The following ARRB2 variants were observed in gnomAD, a reference collection of about 807,000 sequenced individuals.
ARRB2 encodes arrestin beta 2, also known as beta-arrestin-2.
In ARRB2, 21 loss-of-function variants were observed where a neutral mutation model predicts 53.4. The ratio of observed to expected loss-of-function variants is 0.39; its 90% CI spans 0.28 to 0.57. The LOEUF is 0.57. ARRB2 is among the 20% of genes least tolerant of loss of function. The probability of loss-of-function intolerance (pLI) is 0.55; values close to 1 mark genes in which losing one functional copy is unlikely to be tolerated. For synonymous variants in ARRB2, 180 were observed against 212.9 expected, an observed-to-expected ratio of 0.85 and a Z score of 1.34; for missense variants, 369 against 527.5, an observed-to-expected ratio of 0.70 and a Z score of 2.94.
chr17:4,715,009 T>G lies in ARRB2; in HGVS notation c.24-4T>G. 6.2e-7 allele frequency: 1 copy of G among 1,601,326 alleles called. No homozygotes were observed. Among genetic ancestry groups the G allele is most frequent in the Non-Finnish European group, 8.5e-7 (1 of 1,173,656 alleles). On this transcript the variant is annotated splice_polypyrimidine_tract_variant and splice_region_variant and intron_variant, in intron 1 of 14. Transcript: ENST00000269260. ...CAGTGGGGTTTCCCTTTCTGTTTTG[T>G]TAGGGTCTTCAAGAAGTCGAGCCCT... is the stretch of plus-strand genomic sequence containing the variant.
Position 4,720,422 on chromosome 17 carries a change from T to C in ARRB2, c.1031T>C (p.Leu344Pro), listed in dbSNP as rs1213298534. Residue 344 changes from leucine to proline, a missense_variant, in exon 13 of 15, where the codon CTT (leucine) becomes CCT (proline). Transcript: ENST00000269260. ...GTCTCTGTGGAGCTGCCTTTTGTTC[T>C]TATGCACCCCAAGCCCCACGACCAC... ...GDVSVELPFV[L>P]MHPKPHDHIP... 1 of 1,613,736 alleles carries C rather than the reference T, an allele frequency of 6.2e-7. No homozygotes were observed. The highest frequency in any genetic ancestry group is 8.5e-7 in the Non-Finnish European group (1 of 1,179,880).
At chr17:4,720,665 A>T in intron 14 of ARRB2, 25 bp downstream of exon 14, 1 of 1,521,802 alleles carries the variant, frequency 6.6e-7, no homozygotes. Context: ...CCCCTACTTG[A>T]CCCTCTTGGG....
At chr17:4,719,065 C>T (rs567731028) in intron 10 of ARRB2, among the ~76,000 whole-genome samples, 10 of 152,206 alleles carry the variant, frequency 6.6e-5, no homozygotes, top group Non-Finnish European at 1.3e-4. Flanking sequence ...TGAGCCGCCG[C>T]GACCGGCCAC....
Position 4,718,094 on chromosome 17 carries a change from T to A in ARRB2, c.621+71T>A. On this transcript the variant is annotated intron_variant, in intron 8 of 14. Transcript: ENST00000269260. ...CCTGGGGGAGGGGCGAAGCCACACA[T>A]CAAGAGGACATTTGTAAAGGAGGTT... The A allele has an allele frequency of 1.2e-5, 19 of 1,598,842 alleles. No homozygotes were observed. In the South Asian group the frequency reaches 2.1e-4, roughly 18 times the overall value.
chr17:4,716,688 G>A (rs1915093806), intron 5 of ARRB2, 80 bp downstream of exon 5: 1 of 1,504,580 alleles, frequency 6.6e-7, no homozygotes, highest in South Asian at 1.3e-5. Flanking sequence ...CACTGCTGTG[G>A]GCAGATCTGG....
chr17:4,715,334 A>G (rs904954230), intron 2 of ARRB2: 1 of 443,630 alleles, frequency 2.3e-6, no homozygotes, highest in Non-Finnish European at 4.0e-6. Flanking sequence ...GAGCCAACCC[A>G]AGGTGCGTGG....
chr17:4,720,578 C>A lies in ARRB2; in HGVS notation c.1082-8C>A. The A allele has an allele frequency of 6.4e-7, 1 of 1,567,588 alleles. No individual in the cohort carries two copies. The highest frequency in any genetic ancestry group is 8.7e-7 in the Non-Finnish European group (1 of 1,154,986). The stretch of plus-strand genomic sequence containing the variant: ...CCACCCCCACACCCCCTCTTCCCGT[C>A]CCCCCAGCCGCTCCGGAGACAGATG... On this transcript the variant is annotated splice_region_variant and splice_polypyrimidine_tract_variant and intron_variant, in intron 13 of 14. Transcript: ENST00000269260.
rs571600081 is a variant in ARRB2, at chr17:4,715,072, A to ACCCT, written c.54+34_54+37dup. On this transcript the variant is annotated intron_variant, in intron 2 of 14. Transcript: ENST00000269260. ...AGTCTCCACAGCACTTACCCTTTTG[A>ACCCT]CCCTCCCTGGGCCCCAACAAAGCCC... 6.3e-4 allele frequency: 1,011 copies of ACCCT among 1,599,668 alleles called. 9 individuals carry two copies. The East Asian group carries it at 0.019, about 30-fold the overall frequency.
intron 1 of ARRB2, among the ~76,000 whole-genome samples, chr17:4,711,051 G>A (rs1914344966): frequency 1.3e-5 from 2 of 152,150 alleles, no homozygotes; most frequent in South Asian, 4.2e-4. Context: ...GAGGAAGGAG[G>A]AGCAGGTGGC....
intron 8 of ARRB2, 99 bp from the exon 9 acceptor site, chr17:4,718,162 G>C: frequency 6.5e-7 from 1 of 1,545,864 alleles, no homozygotes; most frequent in Non-Finnish European, 8.8e-7. Context: ...TTGGGTTTGA[G>C]GGGAGGGGGC....
chr17:4,720,720 T>C (rs1915619323), intron 14 of ARRB2, 80 bp downstream of exon 14: 3 of 1,311,618 alleles, frequency 2.3e-6, no homozygotes, highest in African/African-American at 3.0e-5. Flanking sequence ...TACCTCTTCC[T>C]TGCTTTTGGT....
Position 4,719,439 on chromosome 17 carries a change from C to T in ARRB2, c.917+19C>T, listed in dbSNP as rs894214491. On this transcript the variant is annotated intron_variant, in intron 11 of 14. Coordinates refer to ENST00000269260, the MANE Select transcript of ARRB2 (RefSeq NM_004313.4). ...GCACCATGTGAGGGTGGGGCTGGGG[C>T]GGGTCCCCTGCAGGCCAGGGGCCAG... 1.2e-6 allele frequency: 2 copies of T among 1,611,066 alleles called. No individual in the cohort carries two copies. The highest frequency in any genetic ancestry group is 1.3e-5 in the African/African-American group (1 of 74,994).
chr17:4,721,125 C>G lies in ARRB2; in HGVS notation c.*86C>G. ...CCCCACTGTCAATGGGGGATTGTCC[C>G]AGCCCCTCTTCCCTTCCCCTCACCT... On this transcript the variant is annotated 3_prime_UTR_variant, in exon 15 of 15. Coordinates refer to ENST00000269260, the MANE Select transcript of ARRB2 (RefSeq NM_004313.4). This position sits in a 1 kb window ranked among gnomAD's most constrained non-coding sequence, Gnocchi z 4.2. The G allele has an allele frequency of 1.5e-6, 2 of 1,373,060 alleles. No homozygotes were observed. Among genetic ancestry groups the G allele is most frequent in the South Asian group, 2.4e-5 (2 of 82,386 alleles). 85.1% of individuals were successfully genotyped at this position (1,373,060 alleles called of 1,614,324 possible).
Position 4,717,156 on chromosome 17 carries a change from T to G in ARRB2, c.358-61T>G. On this transcript the variant is annotated intron_variant, in intron 5 of 14. Coordinates refer to ENST00000269260, the MANE Select transcript of ARRB2 (RefSeq NM_004313.4). The surrounding 1 kb of genome is among the most constrained non-coding windows in gnomAD (Gnocchi z 6.0). ...GCGTCTCCAGCCTCTTAGGTTGAGATTTGGAGGAAGATCTGGGGGCTTTCT... is the reference window on the plus strand; with the variant it reads ...GCGTCTCCAGCCTCTTAGGTTGAGAGTTGGAGGAAGATCTGGGGGCTTTCT... The G allele has an allele frequency of 6.4e-7, 1 of 1,559,960 alleles. No homozygotes were observed. Among genetic ancestry groups the G allele is most frequent in the Non-Finnish European group, 8.8e-7 (1 of 1,131,298 alleles).
At chr17:4,716,773 C>G in intron 5 of ARRB2, 165 bp downstream of exon 5, 1 of 1,321,290 alleles carries the variant, frequency 7.6e-7, no homozygotes, top group East Asian at 2.5e-5. Context: ...CCTTGATTAT[C>G]TGCCTCCTCT....
intron 2 of ARRB2, chr17:4,715,663 G>C: frequency 2.4e-6 from 1 of 418,382 alleles, no homozygotes; most frequent in South Asian, 2.4e-5. Flanking sequence ...GCACATACAT[G>C]TTCACACACA....
At chr17:4,714,028 A>G (rs1409502474) in intron 1 of ARRB2, among the ~76,000 whole-genome samples, 2 of 152,250 alleles carry the variant, frequency 1.3e-5, no homozygotes, top group Admixed American at 6.5e-5. Context: ...GGCATGGAGT[A>G]GTCACTCTGA....
At chr17:4,716,070 G>A (rs536783097) in intron 3 of ARRB2, 37 bp downstream of exon 3, 1 of 1,614,020 alleles carries the variant, frequency 6.2e-7, no homozygotes, top group African/African-American at 1.3e-5. Flanking sequence ...CGTTCCCCAA[G>A]AGGGGAAGAA....
chr17:4,714,947 G>T (rs1433974517), intron 1 of ARRB2, 66 bp from the exon 2 acceptor site: 2 of 1,528,212 alleles, frequency 1.3e-6, no homozygotes, highest in South Asian at 1.2e-5. Context: ...GGAGGGAGAG[G>T]GTCCTGGTGT....
Sources: allele counts gnomAD v4.1 joint callset (sites outside exome capture counted in the v4.1 genomes callset), GRCh38; gene constraint gnomAD v4.1.1; non-coding constraint Gnocchi (gnomAD v3.1); transcripts MANE v1.5; gene names NCBI Gene and HGNC (gene_info 2026-07-23, HGNC 2026-07-21).